SERGEF: variants seen among roughly 807,000 people sequenced by gnomAD.
SERGEF encodes the protein secretion-regulating guanine nucleotide exchange factor.
SERGEF carries 51 observed loss-of-function variants against 50.0 expected under a neutral mutation model. That is an observed-to-expected ratio of 1.02 (90% CI 0.81 to 1.29). The LOEUF is 1.29. SERGEF is among the 50% of genes most tolerant of loss of function. The probability of loss-of-function intolerance (pLI) is 0.00; values close to 1 mark genes in which losing one functional copy is unlikely to be tolerated. For missense variants in SERGEF, 521 were observed against 557.0 expected (o/e 0.94, Z 0.65); for synonymous variants, 205 against 212.4 (o/e 0.97, Z 0.30).
intron 9 of SERGEF, among the ~76,000 whole-genome samples, chr11:17,891,600 G>A (rs1205173481): frequency 5.3e-5 from 8 of 152,218 alleles, no homozygotes; most frequent in East Asian, 3.9e-4. Flanking sequence ...TTGTAGGGAC[G>A]TGGTAGGTGG....
chr11:17,861,300 A>G (rs1850922172), intron 10 of SERGEF, among the ~76,000 whole-genome samples: 1 of 152,246 alleles, frequency 6.6e-6, no homozygotes, highest in Non-Finnish European at 1.5e-5. Context: ...TGATACACAC[A>G]TACAGAAGCT....
chr11:17,892,991 C>A (rs1851559839), intron 9 of SERGEF, among the ~76,000 whole-genome samples: 1 of 152,196 alleles, frequency 6.6e-6, no homozygotes, highest in African/African-American at 2.4e-5. Flanking sequence ...CTTGATCCAT[C>A]ATGGTCACAG....
intron 5 of SERGEF, among the ~76,000 whole-genome samples, chr11:17,998,052 GA>G (rs1034094231): frequency 6.6e-5 from 10 of 151,850 alleles, no homozygotes; most frequent in African/African-American, 1.2e-4. Flanking sequence ...ATAAAATTAA[GA>G]AAAAAATAAT....
rs115224835 is a variant in SERGEF, at chr11:17,984,476, T to C, written c.844+4121A>G. ...TACCAAGAAGAATGGTACTAAACCATTCATGAGAAATGTACCCCAATGATC... is the reference window on the plus strand; with the variant it reads ...TACCAAGAAGAATGGTACTAAACCACTCATGAGAAATGTACCCCAATGATC... On this transcript the variant is annotated intron_variant, in intron 8 of 10. Coordinates refer to ENST00000265965, the MANE Select transcript of SERGEF (RefSeq NM_012139.4). Among the ~76,000 whole-genome samples the C allele has an allele frequency of 5.7e-3, 870 of 152,252 alleles. 13 individuals are homozygous for C. Among genetic ancestry groups the C allele is most frequent in the African/African-American group, 0.02 (845 of 41,542 alleles).
intron 9 of SERGEF, chr11:17,918,662 A>ACACACT (rs879297278): frequency 2.4e-6 from 1 of 413,406 alleles, no homozygotes; most frequent in South Asian, 1.8e-5. Flanking sequence ...ATACACACAC[A>ACACACT]CTCTCTCTCT....
chr11:17,929,343 GGAT>G (rs1852310091), intron 9 of SERGEF, among the ~76,000 whole-genome samples: 1 of 152,128 alleles, frequency 6.6e-6, no homozygotes, highest in African/African-American at 2.4e-5. Flanking sequence ...GCCACTAAGA[GGAT>G]AATAGGGCAG....
intron 8 of SERGEF, among the ~76,000 whole-genome samples, chr11:17,974,532 T>C (rs1226144661): frequency 6.6e-6 from 1 of 152,194 alleles, no homozygotes; most frequent in East Asian, 1.9e-4. Flanking sequence ...GGGGCTGGTA[T>C]AATGAAATTT....
At chr11:17,898,800 A>C (rs1300652407) in intron 9 of SERGEF, among the ~76,000 whole-genome samples, 1 of 152,220 alleles carries the variant, frequency 6.6e-6, no homozygotes, top group Non-Finnish European at 1.5e-5. Flanking sequence ...AGATCTCTAA[A>C]GGCCTGATAT....
intron 10 of SERGEF, chr11:17,856,935 CAA>C (rs984423480): frequency 2.6e-5 from 4 of 152,134 alleles, no homozygotes; most frequent in African/African-American, 9.7e-5. Context: ...GCAGAGCCCC[CAA>C]AAATAATGAA....
At chr11:17,848,109 A>G (rs1218935838) in intron 10 of SERGEF, among the ~76,000 whole-genome samples, 1 of 152,252 alleles carries the variant, frequency 6.6e-6, no homozygotes, top group Non-Finnish European at 1.5e-5. Context: ...CCTTTGCTGA[A>G]TCCTAGGGAT....
intron 9 of SERGEF, among the ~76,000 whole-genome samples, chr11:17,880,995 C>G (rs748100832): frequency 2.0e-5 from 3 of 152,114 alleles, no homozygotes; most frequent in Non-Finnish European, 2.9e-5. Flanking sequence ...AACATTATCA[C>G]ATTTTAGTCA....
intron 3 of SERGEF, 95 bp downstream of exon 3, chr11:18,006,496 C>T (rs1201728660): frequency 1.2e-5 from 16 of 1,280,532 alleles, no homozygotes; most frequent in Non-Finnish European, 1.7e-5. Context: ...TTTTTAAACA[C>T]AAAGAGGCTT....
At chr11:17,930,117 T>C (rs7394431) in intron 9 of SERGEF, among the ~76,000 whole-genome samples, 151,218 of 152,342 alleles carry the variant, frequency 0.99, 75,122 homozygotes, top group Non-Finnish European at 1. Flanking sequence ...TTAGCTAGGT[T>C]ACCTTAAGCA....
chr11:17,958,231 G>A (rs1373188749), intron 9 of SERGEF, among the ~76,000 whole-genome samples: 1 of 152,158 alleles, frequency 6.6e-6, no homozygotes, highest in African/African-American at 2.4e-5. Context: ...CTGGGGAAGG[G>A]AAGCCCTCTA....
intron 8 of SERGEF, among the ~76,000 whole-genome samples, chr11:17,973,815 A>T (rs903651991): frequency 6.6e-6 from 1 of 152,200 alleles, no homozygotes; most frequent in Non-Finnish European, 1.5e-5. Context: ...GAAGATGCCA[A>T]TGGAGATAAT....
intron 5 of SERGEF, among the ~76,000 whole-genome samples, chr11:17,999,292 A>T (rs967828229): frequency 6.6e-6 from 1 of 152,206 alleles, no homozygotes; most frequent in Non-Finnish European, 1.5e-5. Context: ...ATCAATGTTA[A>T]TATCCTCATT....
intron 10 of SERGEF, among the ~76,000 whole-genome samples, chr11:17,868,229 CAA>C (rs1433044763): frequency 3.3e-5 from 5 of 152,156 alleles, no homozygotes; most frequent in Non-Finnish European, 7.3e-5. Context: ...TAACAGTGCC[CAA>C]GTCACCTGTT....
chr11:17,828,971 G>C (rs892703377), intron 10 of SERGEF, among the ~76,000 whole-genome samples: 4 of 152,168 alleles, frequency 2.6e-5, no homozygotes, highest in African/African-American at 9.7e-5. Context: ...TGAGCTCCCC[G>C]TTAACTCTTC....
chr11:17,951,247 A>G (rs1852768438), intron 9 of SERGEF, among the ~76,000 whole-genome samples: 1 of 152,220 alleles, frequency 6.6e-6, no homozygotes, highest in South Asian at 2.1e-4. Context: ...TTTTTTGTAC[A>G]TGTACAGCAC....
Sources: allele counts gnomAD v4.1 joint callset (sites outside exome capture counted in the v4.1 genomes callset), GRCh38; gene constraint gnomAD v4.1.1; transcripts MANE v1.5; gene names NCBI Gene and HGNC (gene_info 2026-07-23, HGNC 2026-07-21).